The following TOP2B variants were observed in gnomAD, a reference collection of about 807,000 sequenced individuals.
TOP2B encodes the protein DNA topoisomerase II beta, also known as DNA topoisomerase 2-beta.
In TOP2B, 51 loss-of-function variants were observed where a neutral mutation model predicts 193.5. That is an observed-to-expected ratio of 0.26 (90% CI 0.21 to 0.33). The LOEUF (loss-of-function observed/expected upper bound fraction) is 0.33. Ranked by LOEUF, TOP2B falls within the 10% of genes least tolerant of loss-of-function variation. The pLI is 1.00. For missense variants in TOP2B, 1,378 were observed against 1,909.3 expected (o/e 0.72, Z 5.19); for synonymous variants, 634 against 635.7 (o/e 1.00, Z 0.04).
At chr3:25,657,039 A>G (rs1645097801) in intron 1 of TOP2B, among the ~76,000 whole-genome samples, 1 of 152,220 alleles carries the variant, frequency 6.6e-6, no homozygotes, top group African/African-American at 2.4e-5. Context: ...GGCAGAGTAG[A>G]AAGTAGAAAT....
At chr3:25,659,846 T>C (rs1703858020) in intron 1 of TOP2B, among the ~76,000 whole-genome samples, 1 of 152,212 alleles carries the variant, frequency 6.6e-6, no homozygotes, top group Admixed American at 6.5e-5. Context: ...GCTGTGTAAA[T>C]GTTAAGAACA....
chr3:25,607,160 G>A lies in TOP2B; in HGVS notation c.4298+11C>T, dbSNP rs1232630168. 6.2e-7 allele frequency: 1 copy of A among 1,612,538 alleles called. No individual in the cohort carries two copies. The highest frequency in any genetic ancestry group is 1.7e-5 in the Admixed American group (1 of 59,902). On this transcript the variant is annotated intron_variant, in intron 31 of 35. Transcript: ENST00000264331. Reference sequence around the variant, plus strand: ...ATTAACTATACCACATCACTAAATAGCATTACTTACTCTGGAGTGGCTTTT... The same window carrying A: ...ATTAACTATACCACATCACTAAATAACATTACTTACTCTGGAGTGGCTTTT...
At chr3:25,655,183 T>C (rs528403565) in intron 1 of TOP2B, among the ~76,000 whole-genome samples, 1 of 152,266 alleles carries the variant, frequency 6.6e-6, no homozygotes, top group African/African-American at 2.4e-5. Flanking sequence ...ATAAGGAGCT[T>C]CTATAACTCG....
chr3:25,623,811 T>C (rs1176209569), intron 20 of TOP2B, 65 bp from the exon 21 acceptor site: 2 of 1,061,040 alleles, frequency 1.9e-6, no homozygotes, highest in Non-Finnish European at 2.7e-6. Context: ...ACTTTATACA[T>C]AATTAAAAAC....
chr3:25,640,659 T>C (rs1703231420), intron 4 of TOP2B, among the ~76,000 whole-genome samples: 1 of 152,144 alleles, frequency 6.6e-6, no homozygotes, highest in Admixed American at 6.5e-5. Flanking sequence ...TGAATTACTC[T>C]TTCTACAAAA....
At chr3:25,600,335 G>A (rs1320401504) in intron 34 of TOP2B, among the ~76,000 whole-genome samples, 5 of 152,258 alleles carry the variant, frequency 3.3e-5, no homozygotes, top group African/African-American at 1.2e-4. Flanking sequence ...AAATAATCTT[G>A]GGATGTCATA....
chr3:25,605,228 A>G (rs987304164), intron 32 of TOP2B, among the ~76,000 whole-genome samples: 7 of 152,302 alleles, frequency 4.6e-5, no homozygotes, highest in African/African-American at 1.7e-4. Context: ...CACAAATAAT[A>G]CTATTAACCA....
At position 25,634,799 on chromosome 3, in the gene TOP2B, C is replaced by CAAAAAAA. The variant is rs1224120357; in HGVS notation, c.853-792_853-786dup. ...TTACCAAAAAAAAAAAAAAAAAAACCAAAAAAAGGCTTATTCTGCAGGGCA... is the reference window on the plus strand; with the variant it reads ...TTACCAAAAAAAAAAAAAAAAAAACCAAAAAAAAAAAAAAGGCTTATTCTGCAGGGCA... On this transcript the variant is annotated intron_variant, in intron 7 of 35. Coordinates refer to ENST00000264331, the MANE Select transcript of TOP2B (RefSeq NM_001330700.2). Among the ~76,000 whole-genome samples, 29 of 96,428 alleles carry CAAAAAAA rather than the reference C, an allele frequency of 3.0e-4. 2 individuals carry two copies. The highest frequency in any genetic ancestry group is 3.7e-4 in the Non-Finnish European group (18 of 48,938). 63.3% of individuals were successfully genotyped at this position (96,428 alleles called of 152,430 possible).
chr3:25,664,525 C>T lies in TOP2B; in HGVS notation c.-228G>A, dbSNP rs1031419482. On this transcript the variant is annotated 5_prime_UTR_variant, in exon 1 of 36. Coordinates refer to ENST00000264331, the MANE Select transcript of TOP2B (RefSeq NM_001330700.2). ...CTCGAGGCGCGGCGTCCGCGTCGCC[C>T]GGGCCTAGCGCGGCGGCTGAGGAGA... is the stretch of plus-strand genomic sequence containing the variant. 17 of 1,149,036 alleles carry T rather than the reference C, an allele frequency of 1.5e-5. No individual in the cohort carries two copies. In the East Asian group the frequency reaches 6.4e-4, roughly 43 times the overall value. The allele number at this position is 1,149,036 out of a possible 1,614,324, so 71.2% of individuals were successfully genotyped here.
intron 7 of TOP2B, among the ~76,000 whole-genome samples, chr3:25,634,657 C>T (rs1703050524): frequency 6.6e-6 from 1 of 151,800 alleles, no homozygotes; most frequent in Non-Finnish European, 1.5e-5. Flanking sequence ...AGAAAACCCA[C>T]CAAATTCTCA....
chr3:25,618,986 C>A (rs1316929217), intron 23 of TOP2B, 137 bp from the exon 24 acceptor site: 1 of 568,268 alleles, frequency 1.8e-6, no homozygotes, highest in Non-Finnish European at 2.8e-6. Flanking sequence ...CCCCTAAAAA[C>A]CATTAAACAG....
At chr3:25,640,796 C>T (rs536296083) in intron 4 of TOP2B, among the ~76,000 whole-genome samples, 6 of 128,946 alleles carry the variant, frequency 4.7e-5, no homozygotes, top group Non-Finnish European at 6.2e-5. Flanking sequence ...CTCGCTCTGT[C>T]GCCCAGGCTA....
chr3:25,660,489 C>T (rs1474693681), intron 1 of TOP2B, among the ~76,000 whole-genome samples: 26 of 152,138 alleles, frequency 1.7e-4, no homozygotes. Flanking sequence ...TGTGACAAGG[C>T]TCTGAGCTAG....
chr3:25,599,428 C>T lies in TOP2B; in HGVS notation c.4710+7G>A, dbSNP rs935740639. 14 of 1,611,930 alleles carry T rather than the reference C, an allele frequency of 8.7e-6. No homozygotes were observed. Among genetic ancestry groups the T allele is most frequent in the Admixed American group, 3.3e-5 (2 of 59,792 alleles). ...ATGCACTAATATGCAATGATGTTCC[C>T]GGTTACCTTGCTTGTTGTTTTGGAT... On this transcript the variant is annotated splice_region_variant and intron_variant, in intron 35 of 35. Coordinates refer to ENST00000264331, the MANE Select transcript of TOP2B (RefSeq NM_001330700.2).
Position 25,629,028 on chromosome 3 carries a change from A to G in TOP2B, c.1800+7T>C. 6.3e-7 allele frequency: 1 copy of G among 1,583,492 alleles called. No homozygotes were observed. The highest frequency in any genetic ancestry group is 8.6e-7 in the Non-Finnish European group (1 of 1,165,006). ...ACAATATAAAAATATATTAATGCAA[A>G]GAGTACCTTTACAATAGGAGTAATG... On this transcript the variant is annotated splice_region_variant and intron_variant, in intron 14 of 35. Coordinates refer to ENST00000264331, the MANE Select transcript of TOP2B (RefSeq NM_001330700.2).
chr3:25,638,088 C>T, intron 5 of TOP2B, 77 bp downstream of exon 5: 5 of 1,324,530 alleles, frequency 3.8e-6, no homozygotes, highest in East Asian at 2.6e-5. Context: ...ACCAAAACTG[C>T]ACAATTTCCT....
Position 25,643,650 on chromosome 3 carries a change from T to C in TOP2B, c.331+44A>G, listed in dbSNP as rs753305798. 5 of 1,399,824 alleles carry C rather than the reference T, an allele frequency of 3.6e-6. No individual in the cohort carries two copies. The East Asian group carries it at 9.2e-5, about 26-fold the overall frequency. 86.7% of individuals were successfully genotyped at this position (1,399,824 alleles called of 1,614,324 possible). On this transcript the variant is annotated intron_variant, in intron 3 of 35. Transcript: ENST00000264331. The stretch of plus-strand genomic sequence containing the variant: ...CTTTATATATAAAAGGACACTATGA[T>C]GATATTAATAGAAACATGCATTAAA...
chr3:25,642,379 G>T lies in TOP2B; in HGVS notation c.338C>A (p.Ala113Asp). Residue 113 changes from alanine to aspartate, a missense_variant, in exon 4 of 36, where the codon GCT becomes GAT. Physicochemically the swap from Ala to Asp is moderately radical, Grantham distance 126. Coordinates refer to ENST00000264331, the MANE Select transcript of TOP2B (RefSeq NM_001330700.2). ...CTTATCCCTCTGTTTATTGTCAGCA[G>T]CATTAACTACAAAATTAAACACCTC... is the stretch of plus-strand genomic sequence containing the variant. ...YKIFDEILVN[A>D]ADNKQRDKNM... 1 of 1,543,908 alleles carries T rather than the reference G, an allele frequency of 6.5e-7. No individual in the cohort carries two copies. The highest frequency in any genetic ancestry group is 8.8e-7 in the Non-Finnish European group (1 of 1,141,212).
intron 5 of TOP2B, among the ~76,000 whole-genome samples, chr3:25,637,696 A>G (rs895350251): frequency 6.6e-6 from 1 of 151,994 alleles, no homozygotes; most frequent in Non-Finnish European, 1.5e-5. Context: ...AAAAAGCAAA[A>G]CAAAACAAAA....
Sources: allele counts gnomAD v4.1 joint callset (sites outside exome capture counted in the v4.1 genomes callset), GRCh38; gene constraint gnomAD v4.1.1; transcripts MANE v1.5; gene names NCBI Gene and HGNC (gene_info 2026-07-23, HGNC 2026-07-21).